Variants in STS observed in about 807,000 individuals in gnomAD.
STS encodes the protein steroid sulfatase, also known as steryl-sulfatase.
STS carries 7 observed loss-of-function variants against 26.8 expected under a neutral mutation model. The ratio of observed to expected loss-of-function variants is 0.26; its 90% CI spans 0.15 to 0.49. The LOEUF is 0.49. Ranked by LOEUF, STS falls within the 20% of genes least tolerant of loss-of-function variation. The probability of loss-of-function intolerance (pLI) is 0.98; values close to 1 mark genes in which losing one functional copy is unlikely to be tolerated. For missense variants in STS, 434 were observed against 465.6 expected, an observed-to-expected ratio of 0.93 and a Z score of 0.63; for synonymous variants, 199 against 189.4, an observed-to-expected ratio of 1.05 and a Z score of -0.42.
chrX:7,265,021 T>TG (rs1338504811), intron 6 of STS, among the ~76,000 whole-genome samples: 1 of 65,125 alleles, frequency 1.5e-5, no homozygotes, highest in Non-Finnish European at 2.8e-5. Flanking sequence ...CATTTTATTC[T>TG]GTTTTTTTTT....
chrX:7,333,645 A>C (rs1927868842), intron 9 of STS, among the ~76,000 whole-genome samples: 1 of 112,637 alleles, frequency 8.9e-6, no homozygotes, highest in Non-Finnish European at 1.9e-5. Context: ...GAGAAGCAAG[A>C]GGAAGAATAA....
chrX:7,237,252 CA>C (rs1484526350), intron 2 of STS, among the ~76,000 whole-genome samples: 39 of 101,155 alleles, frequency 3.9e-4, no homozygotes, highest in Non-Finnish European at 8.0e-5. Flanking sequence ...GAGAGAAAAA[CA>C]AAACAACAAA....
intron 1 of STS, among the ~76,000 whole-genome samples, chrX:7,173,274 C>CT (rs764989201): frequency 1.8e-5 from 2 of 111,729 alleles, no homozygotes; most frequent in Admixed American, 9.5e-5. Context: ...TGATCTCATT[C>CT]TTTTTTTATG....
In STS at chrX:7,259,519, C is replaced by G; in HGVS notation, c.553C>G (p.Leu185Val). ...TGFKRLVFLP[L>V]QIVGVTLLTL... Reference sequence around the variant, plus strand: ...CTTCAAGAGGCTGGTCTTCCTCCCCCTGCAGATCGTCGGGGTCACCCTCCT... The same window carrying G: ...CTTCAAGAGGCTGGTCTTCCTCCCCGTGCAGATCGTCGGGGTCACCCTCCT... Residue 185 changes from leucine (L) to valine (V), a missense_variant, in exon 6 of 11, where the codon CTG becomes GTG. Around this residue, in one of 2 missense-constraint regions of STS, gnomAD observed 229 missense variants for 288.3 expected, o/e 0.79. Transcript: ENST00000674429. The G allele has an allele frequency of 1.7e-6, 2 of 1,211,985 alleles. No homozygotes were observed. Among genetic ancestry groups the G allele is most frequent in the Admixed American group, 2.2e-5 (1 of 46,110 alleles).
intron 10 of STS, among the ~76,000 whole-genome samples, chrX:7,339,943 C>T (rs1050777810): frequency 9.1e-6 from 1 of 110,103 alleles, no homozygotes; most frequent in African/African-American, 3.3e-5. Context: ...TAAGATTACA[C>T]TAATACTGTG....
At chrX:7,161,417 G>A (rs767182767) in intron 1 of STS, among the ~76,000 whole-genome samples, 10 of 112,038 alleles carry the variant, frequency 8.9e-5, no homozygotes, top group African/African-American at 3.2e-4. Context: ...ATCAGTTAGT[G>A]TTTTCTGAAA....
At chrX:7,163,581 C>A (rs756803320) in intron 1 of STS, among the ~76,000 whole-genome samples, 2 of 112,343 alleles carry the variant, frequency 1.8e-5, no homozygotes, top group Non-Finnish European at 3.8e-5. Context: ...GCATAGGTGG[C>A]TTTTCCAGTA....
chrX:7,172,322 C>G (rs758011995), intron 1 of STS, among the ~76,000 whole-genome samples: 21 of 111,026 alleles, frequency 1.9e-4, no homozygotes, highest in Non-Finnish European at 3.2e-4. Flanking sequence ...CTGGAAGCCC[C>G]CACGCCCCTC....
At chrX:7,279,290 A>ATATATATATAT (rs1402728154) in intron 7 of STS, among the ~76,000 whole-genome samples, 1 of 62,368 alleles carries the variant, frequency 1.6e-5, no homozygotes, top group African/African-American at 6.9e-5. Context: ...AAAAAAAAAA[A>ATATATATATAT]AAATATATAT....
At chrX:7,218,821 T>C (rs1921419294) in intron 2 of STS, among the ~76,000 whole-genome samples, 1 of 111,844 alleles carries the variant, frequency 8.9e-6, no homozygotes, top group Admixed American at 9.5e-5. Flanking sequence ...CTTTTTTTGT[T>C]TTGTCATGGT....
chrX:7,337,343 G>C (rs1412321051), intron 10 of STS, among the ~76,000 whole-genome samples: 1 of 112,182 alleles, frequency 8.9e-6, no homozygotes, highest in Non-Finnish European at 1.9e-5. Context: ...ACATTTTAGA[G>C]CATGAGGCAC....
intron 1 of STS, among the ~76,000 whole-genome samples, chrX:7,182,321 G>A (rs1601634237): frequency 9.1e-6 from 1 of 110,035 alleles, no homozygotes; most frequent in South Asian, 3.9e-4. Flanking sequence ...CTCACGTGCA[G>A]GGTGCTGGCT....
At chrX:7,179,215 C>G (rs1485118643) in intron 1 of STS, among the ~76,000 whole-genome samples, 1 of 111,144 alleles carries the variant, frequency 9.0e-6, no homozygotes, top group Non-Finnish European at 1.9e-5. Flanking sequence ...CTGGCTTTCT[C>G]TAGTCCTTCT....
At chrX:7,260,132 C>T (rs1289090958) in intron 6 of STS, among the ~76,000 whole-genome samples, 2 of 112,446 alleles carry the variant, frequency 1.8e-5, no homozygotes, top group Non-Finnish European at 3.8e-5. Flanking sequence ...GCCTCGGCCT[C>T]CCAAAGTGCT....
intron 7 of STS, among the ~76,000 whole-genome samples, chrX:7,300,014 G>T (rs1360066782): frequency 9.0e-6 from 1 of 111,720 alleles, no homozygotes; most frequent in East Asian, 2.8e-4. Flanking sequence ...GTAGCTTAGT[G>T]CTTGTTTGTG....
intron 2 of STS, among the ~76,000 whole-genome samples, chrX:7,223,483 T>C (rs182053767): frequency 4.4e-4 from 49 of 112,432 alleles, no homozygotes; most frequent in Non-Finnish European, 8.8e-4. Flanking sequence ...GATTTGCATT[T>C]CTCCGATGAT....
chrX:7,171,996 G>A (rs763571997), intron 1 of STS, among the ~76,000 whole-genome samples: 157 of 111,527 alleles, frequency 1.4e-3, no homozygotes, highest in Non-Finnish European at 1.9e-3. Context: ...ACCAAGTTGC[G>A]CGATCATCAC....
chrX:7,211,192 A>G (rs1921018158), intron 2 of STS, among the ~76,000 whole-genome samples: 1 of 111,682 alleles, frequency 9.0e-6, no homozygotes, highest in East Asian at 2.8e-4. Context: ...TTCATTTTCT[A>G]TTGCTCCATA....
rs1164251545 is a variant in STS at position 7,148,141 on chromosome X, G to A, written c.-134+58G>A. On this transcript the variant is annotated intron_variant, in intron 1 of 10. Transcript: ENST00000674429. ...TGGCGCCTTCTGGGTCTGGGTGGGG[G>A]CGAGGAGGAAGTGCGCGCGCACCCG... The A allele has an allele frequency of 4.7e-6, 5 of 1,067,019 alleles. No homozygotes were observed. In the African/African-American group the frequency reaches 5.9e-5, roughly 13 times the overall value. 87.9% of individuals were successfully genotyped at this position (1,067,019 alleles called of 1,213,427 possible).
Sources: allele counts gnomAD v4.1 joint callset (sites outside exome capture counted in the v4.1 genomes callset), GRCh38; gene constraint gnomAD v4.1.1; regional missense constraint gnomAD v4.1.1; transcripts MANE v1.5; gene names NCBI Gene and HGNC (gene_info 2026-07-23, HGNC 2026-07-21).